The following RNF214 variants were observed in gnomAD, a reference collection of about 807,000 sequenced individuals.
The protein encoded by RNF214 is ring finger protein 214.
Under a neutral mutation model 75.9 loss-of-function variants are expected in RNF214, and 25 were observed. The observed-to-expected ratio is 0.33, with a 90% CI of 0.24 to 0.46. The LOEUF (loss-of-function observed/expected upper bound fraction) is 0.46. Ranked by LOEUF, RNF214 falls within the 20% of genes least tolerant of loss-of-function variation. The pLI is 1.00. For synonymous variants in RNF214, 314 were observed against 308.8 expected, an observed-to-expected ratio of 1.02 and a Z score of -0.18; for missense variants, 725 against 857.5, an observed-to-expected ratio of 0.85 and a Z score of 1.93.
At chr11:117,265,122 A>G (rs1024605511) in intron 6 of RNF214, among the ~76,000 whole-genome samples, 4 of 152,008 alleles carry the variant, frequency 2.6e-5, no homozygotes, top group Non-Finnish European at 5.9e-5. Flanking sequence ...CTGCCTTTTA[A>G]TTAGAGCCTT....
chr11:117,285,424 A>G lies in RNF214; in HGVS notation c.*273A>G, dbSNP rs1480715414. ...TGATGTTTAGTTTGGCCTTGAAATT[A>G]TGATATCCCTGCCCAGGGCTGTTTT... On this transcript the variant is annotated 3_prime_UTR_variant, in exon 15 of 15. Transcript: ENST00000300650. 2 of 307,274 alleles carry G rather than the reference A, an allele frequency of 6.5e-6. No homozygotes were observed. The highest frequency in any genetic ancestry group is 4.8e-5 in the South Asian group (1 of 21,002). 19.0% of individuals were successfully genotyped at this position (307,274 alleles called of 1,614,324 possible).
At chr11:117,252,591 G>T (rs2033424693) in intron 6 of RNF214, among the ~76,000 whole-genome samples, 2 of 152,128 alleles carry the variant, frequency 1.3e-5, no homozygotes, top group Admixed American at 1.3e-4. Flanking sequence ...CGTGATCTTG[G>T]TTCACTGCAG....
rs571947333 is a variant in RNF214 at position 117,283,374 on chromosome 11, TG to T, written c.2046+165del. On this transcript the variant is annotated intron_variant, in intron 14 of 14. Transcript: ENST00000300650. The stretch of plus-strand genomic sequence containing the variant: ...ATATCTTTTTTGTTTTGTTTTGTTT[TG>T]TTTTAGACAGAGTCTCGCTCTGTTG... 3.9e-3 allele frequency among the ~76,000 whole-genome samples: 592 copies of T among 152,162 alleles called. 7 individuals carry two copies. Among genetic ancestry groups the T allele is most frequent in the African/African-American group, 0.014 (574 of 41,516 alleles).
At chr11:117,280,890 T>G (rs1344954348) in intron 8 of RNF214, among the ~76,000 whole-genome samples, 1 of 151,752 alleles carries the variant, frequency 6.6e-6, no homozygotes, top group East Asian at 1.9e-4. Flanking sequence ...ATTCGAATCT[T>G]GGGCTTCTCC....
intron 6 of RNF214, among the ~76,000 whole-genome samples, chr11:117,267,452 C>G (rs765333611): frequency 1.3e-5 from 2 of 152,000 alleles, no homozygotes; most frequent in African/African-American, 2.4e-5. Flanking sequence ...TGGCTCACAC[C>G]TGTAATTTCA....
intron 6 of RNF214, among the ~76,000 whole-genome samples, chr11:117,255,586 C>T (rs2033501526): frequency 1.3e-5 from 2 of 152,024 alleles, no homozygotes; most frequent in Non-Finnish European, 2.9e-5. Flanking sequence ...CCCCTGGGCT[C>T]AAGTGATCCT....
chr11:117,239,552 C>T (rs1015879462), intron 3 of RNF214: 7 of 518,646 alleles, frequency 1.3e-5, no homozygotes, highest in Admixed American at 1.0e-4. Context: ...GCAGACGTCT[C>T]ATCTCAGACT....
Position 117,238,708 on chromosome 11 carries a change from A to G in RNF214, c.215A>G (p.Gln72Arg), listed in dbSNP as rs141645554. ...AATGTCCATTTGGAGCACTCAGAGC[A>G]GAATCCTGGTTCATCAGCAGGTGAC... Reference protein sequence around the residue: ...NRNVHLEHSEQNPGSSAGDTS... With the variant: ...NRNVHLEHSERNPGSSAGDTS... The change falls in exon 3 of 15, where the codon CAG becomes CGG. Residue 72 changes from glutamine to arginine, a missense_variant. Physicochemically the swap from Gln to Arg is conservative, Grantham distance 43. Transcript: ENST00000300650. 4.8e-5 allele frequency: 78 copies of G among 1,614,246 alleles called. No individual in the cohort carries two copies. In the East Asian group the frequency reaches 1.6e-3, roughly 34 times the overall value.
intron 6 of RNF214, among the ~76,000 whole-genome samples, chr11:117,252,614 G>A (rs897254135): frequency 2.6e-5 from 4 of 151,910 alleles, no homozygotes; most frequent in Non-Finnish European, 4.4e-5. Context: ...TCCACCTCCC[G>A]GATTCAAGCG....
chr11:117,275,610 C>T (rs1169831891), intron 6 of RNF214, among the ~76,000 whole-genome samples: 1 of 152,152 alleles, frequency 6.6e-6, no homozygotes, highest in Non-Finnish European at 1.5e-5. Context: ...GCTGTGAACA[C>T]ATATATGTAT....
intron 6 of RNF214, among the ~76,000 whole-genome samples, chr11:117,260,579 A>T (rs1565339322): frequency 6.7e-6 from 1 of 149,110 alleles, no homozygotes. Flanking sequence ...AGGTCAAATC[A>T]CTTGAAATCA....
chr11:117,244,936 T>G (rs769125999), intron 5 of RNF214, among the ~76,000 whole-genome samples: 1 of 151,540 alleles, frequency 6.6e-6, no homozygotes. Flanking sequence ...AAAGGAGGCC[T>G]TTTTATTTCA....
At chr11:117,264,309 C>T (rs148901744) in intron 6 of RNF214, among the ~76,000 whole-genome samples, 1 of 151,814 alleles carries the variant, frequency 6.6e-6, no homozygotes, top group African/African-American at 2.4e-5. Flanking sequence ...GGTGACAGAG[C>T]GAGACTCCAT....
chr11:117,235,776 T>G (rs907247312), intron 2 of RNF214, among the ~76,000 whole-genome samples: 19 of 152,186 alleles, frequency 1.2e-4, no homozygotes, highest in African/African-American at 4.3e-4. Flanking sequence ...ACACGATAAT[T>G]GTACGTATTC....
Position 117,268,481 on chromosome 11 carries a change from A to T in RNF214, c.960-11427A>T, listed in dbSNP as rs762946792. ...GGGGGGAGTCTTTTTTATTATTTTC[A>T]ACAGGGAGAATTAAATCTCTTATTT... On this transcript the variant is annotated intron_variant, in intron 6 of 14. Transcript: ENST00000300650. Among the ~76,000 whole-genome samples, 38 of 152,210 alleles carry T rather than the reference A, an allele frequency of 2.5e-4. 1 individual carries two copies. Among genetic ancestry groups the T allele is most frequent in the Non-Finnish European group, 1.0e-4 (7 of 68,042 alleles).
intron 6 of RNF214, among the ~76,000 whole-genome samples, chr11:117,274,034 C>T (rs2033961914): frequency 6.6e-6 from 1 of 152,074 alleles, no homozygotes; most frequent in Non-Finnish European, 1.5e-5. Flanking sequence ...GCAGCAGGCG[C>T]AAAACACTGG....
intron 6 of RNF214, among the ~76,000 whole-genome samples, chr11:117,268,527 A>G (rs989916936): frequency 8.5e-5 from 13 of 152,198 alleles, no homozygotes; most frequent in African/African-American, 3.1e-4. Context: ...TTTCCCTTAT[A>G]CCACATAAGT....
At chr11:117,258,492 C>T (rs2033579359) in intron 6 of RNF214, among the ~76,000 whole-genome samples, 1 of 151,932 alleles carries the variant, frequency 6.6e-6, no homozygotes, top group East Asian at 1.9e-4. Context: ...GTAACTTTGC[C>T]CCTGAACATA....
In RNF214 at chr11:117,282,867, T is replaced by C. The variant is rs1389151507; in HGVS notation, c.1950+17T>C. 1 of 1,570,010 alleles carries C rather than the reference T, an allele frequency of 6.4e-7. No homozygotes were observed. The highest frequency in any genetic ancestry group is 8.8e-7 in the Non-Finnish European group (1 of 1,139,966). On this transcript the variant is annotated intron_variant, in intron 13 of 14. Transcript: ENST00000300650. ...TCTTCACATGTAAGACTCTTTTTCT[T>C]TGAACACTGTGATATGGAGAAGCTG...
Sources: allele counts gnomAD v4.1 joint callset (sites outside exome capture counted in the v4.1 genomes callset), GRCh38; gene constraint gnomAD v4.1.1; transcripts MANE v1.5; gene names NCBI Gene and HGNC (gene_info 2026-07-23, HGNC 2026-07-21).